Variants in CRACD observed in about 807,000 individuals in gnomAD.
CRACD encodes capping protein-inhibiting regulator of actin dynamics.
CRACD carries 56 observed loss-of-function variants against 106.8 expected under a neutral mutation model. The ratio of observed to expected loss-of-function variants is 0.52; its 90% confidence interval spans 0.42 to 0.66. The LOEUF (loss-of-function observed/expected upper bound fraction) is 0.66, where lower values mean the gene tolerates loss of function less well. Ranked by LOEUF, CRACD falls within the 30% of genes least tolerant of loss-of-function variation. The probability of loss-of-function intolerance (pLI) is 0.00; values close to 1 mark genes in which losing one functional copy is unlikely to be tolerated. For synonymous variants in CRACD, 754 were observed against 670.8 expected (o/e 1.12, Z -1.92); for missense variants, 1,730 against 1,623.2 (o/e 1.07, Z -1.13).
At chr4:56,097,258 G>C (rs1260760500) in intron 1 of CRACD, 1 of 152,570 alleles carries the variant, frequency 6.6e-6, no homozygotes, top group Non-Finnish European at 1.5e-5. Context: ...TTTGAAACAA[G>C]AGGGTGAGGT....
At chr4:56,067,156 T>C (rs1732490783) in intron 1 of CRACD, among the ~76,000 whole-genome samples, 1 of 151,628 alleles carries the variant, frequency 6.6e-6, no homozygotes, top group African/African-American at 2.4e-5. Flanking sequence ...CTGTTTCTTA[T>C]AGAATATTAG....
At position 56,208,553 on chromosome 4, in the gene CRACD, T is replaced by G. The variant is rs138707478; in HGVS notation, c.-189+29123T>G. Among the ~76,000 whole-genome samples the G allele has an allele frequency of 6.3e-3, 962 of 152,338 alleles. 8 individuals carry two copies. The highest frequency in any genetic ancestry group is 0.022 in the African/African-American group (906 of 41,562). ...AGGCCTTCTACACATATCAGAATTT[T>G]AGGAATCTCATATAGTTTTGCAACA... On this transcript the variant is annotated intron_variant, in intron 2 of 10. Coordinates refer to ENST00000682029, the MANE Select transcript of CRACD (RefSeq NM_001393381.1).
intron 1 of CRACD, among the ~76,000 whole-genome samples, chr4:56,100,937 G>C (rs866286639): frequency 2.4e-4 from 36 of 152,288 alleles, no homozygotes; most frequent in African/African-American, 8.2e-4. Context: ...GTAAGTAAAT[G>C]CAAGTTTTAA....
At chr4:56,093,460 G>A (rs1733495525) in intron 1 of CRACD, among the ~76,000 whole-genome samples, 5 of 152,246 alleles carry the variant, frequency 3.3e-5, no homozygotes, top group Middle Eastern at 3.4e-3. Context: ...AATTATTTCC[G>A]TTTTACAAAT....
intron 2 of CRACD, among the ~76,000 whole-genome samples, chr4:56,225,091 A>G (rs552841337): frequency 1.4e-3 from 207 of 152,102 alleles, no homozygotes; most frequent in African/African-American, 4.9e-3. Context: ...ATGGTTATTT[A>G]TTTATTTATT....
At chr4:56,147,572 A>G (rs777801927) in intron 1 of CRACD, among the ~76,000 whole-genome samples, 1 of 152,144 alleles carries the variant, frequency 6.6e-6, no homozygotes, top group Non-Finnish European at 1.5e-5. Flanking sequence ...TAATGTTTTC[A>G]AGGTTTATCA....
intron 1 of CRACD, among the ~76,000 whole-genome samples, chr4:56,100,192 G>A (rs967905600): frequency 1.6e-4 from 24 of 152,026 alleles, no homozygotes; most frequent in African/African-American, 4.1e-4. Flanking sequence ...GCAGTGAGCC[G>A]AGAGCATGCC....
At chr4:56,102,380 G>C (rs1268044046) in intron 1 of CRACD, among the ~76,000 whole-genome samples, 2 of 152,206 alleles carry the variant, frequency 1.3e-5, no homozygotes, top group East Asian at 3.9e-4. Context: ...TGGATGAGTG[G>C]TCCTAGCATT....
At chr4:56,125,764 C>CTTT (rs11289899) in intron 1 of CRACD, among the ~76,000 whole-genome samples, 2,038 of 73,174 alleles carry the variant, frequency 0.028, 11 homozygotes, top group Non-Finnish European at 0.031. Flanking sequence ...CATTCTTCTT[C>CTTT]TTTTTTTTTT....
intron 1 of CRACD, among the ~76,000 whole-genome samples, chr4:56,083,267 G>T (rs1042983543): frequency 1.3e-5 from 2 of 152,140 alleles, no homozygotes; most frequent in African/African-American, 4.8e-5. Context: ...ATATTTCCAG[G>T]ATGAAAATGG....
chr4:56,112,147 G>A (rs951554342), intron 1 of CRACD, among the ~76,000 whole-genome samples: 2 of 152,250 alleles, frequency 1.3e-5, no homozygotes, highest in Non-Finnish European at 2.9e-5. Flanking sequence ...GCTGGTATTG[G>A]GTTATTATTT....
chr4:56,314,384 C>A lies in CRACD; in HGVS notation c.882C>A (p.Ser294Arg), dbSNP rs1340524537. 3 of 1,413,752 alleles carry A rather than the reference C, an allele frequency of 2.1e-6. No homozygotes were observed. In the African/African-American group the frequency reaches 4.6e-5, roughly 22 times the overall value. The allele number at this position is 1,413,752 out of a possible 1,614,324, so 87.6% of individuals were successfully genotyped here. Reference sequence around the variant, plus strand: ...CGCCGCGGGAAGAGCAGCAGCGGAGCCTGGAAGCGCCAGGTTGGGAGGACG... The same window carrying A: ...CGCCGCGGGAAGAGCAGCAGCGGAGACTGGAAGCGCCAGGTTGGGAGGACG... ...ERAPREEQQR[S>R]LEAPGWEDAE... Residue 294 changes from serine (S) to arginine (R), a missense_variant, in exon 8 of 11, where the codon AGC (serine) becomes AGA (arginine). By Grantham distance (110) the Ser-to-Arg change is moderately radical. This residue lies in a region of CRACD where 1,620 missense variants were observed against 1,481.6 expected (regional missense o/e 1.09). Coordinates refer to ENST00000682029, the MANE Select transcript of CRACD (RefSeq NM_001393381.1). The surrounding 1 kb of genome is among the most constrained non-coding windows in gnomAD (Gnocchi z 4.4).
At chr4:56,088,462 A>G (rs1383166628) in intron 1 of CRACD, among the ~76,000 whole-genome samples, 1 of 151,284 alleles carries the variant, frequency 6.6e-6, no homozygotes, top group Non-Finnish European at 1.5e-5. Context: ...CAGCCTCCCA[A>G]GTGGGGAGGC....
chr4:56,203,042 T>C (rs1194553057), intron 2 of CRACD, among the ~76,000 whole-genome samples: 1 of 152,198 alleles, frequency 6.6e-6, no homozygotes, highest in African/African-American at 2.4e-5. Context: ...AAAAATCAGC[T>C]TTGATAATGC....
rs1449439229 is a variant in CRACD, at chr4:56,054,490, T to C, written c.-336+5191T>C. Among the ~76,000 whole-genome samples, 3 of 152,220 alleles carry C rather than the reference T, an allele frequency of 2.0e-5. No homozygotes were observed. In the East Asian group the frequency reaches 5.8e-4, roughly 29 times the overall value. ...GCCGCCACTCAGTGGCTCCTTTTTA[T>C]CCTGATGTGAAAATTCATAGAGATA... On this transcript the variant is annotated intron_variant, in intron 1 of 10. Transcript: ENST00000682029.
At chr4:56,077,236 C>T (rs77142826) in intron 1 of CRACD, among the ~76,000 whole-genome samples, 1 of 152,172 alleles carries the variant, frequency 6.6e-6, no homozygotes, top group South Asian at 2.1e-4. Context: ...AGGGTGGCAG[C>T]AGAGAGAATT....
chr4:56,123,685 T>C (rs538579221), intron 1 of CRACD, among the ~76,000 whole-genome samples: 25 of 152,150 alleles, frequency 1.6e-4, no homozygotes, highest in Non-Finnish European at 3.2e-4. Flanking sequence ...ATTACTCAGC[T>C]AGTAGGTGAA....
chr4:56,130,859 C>T (rs1490228313), intron 1 of CRACD, among the ~76,000 whole-genome samples: 1 of 152,160 alleles, frequency 6.6e-6, no homozygotes, highest in Non-Finnish European at 1.5e-5. Flanking sequence ...CCCACTTCCC[C>T]TCTCCACCTC....
At chr4:56,094,917 T>G (rs1267280625) in intron 1 of CRACD, among the ~76,000 whole-genome samples, 1 of 152,222 alleles carries the variant, frequency 6.6e-6, no homozygotes, top group Non-Finnish European at 1.5e-5. Context: ...CAATTGCTAA[T>G]TTTTGCAATA....
Sources: gnomAD v4.1 joint callset for allele counts (sites outside exome capture counted in the v4.1 genomes callset) on GRCh38, gnomAD v4.1.1 for gene constraint, gnomAD v4.1.1 regional missense constraint, Gnocchi (gnomAD v3.1) non-coding constraint, MANE v1.5 for transcripts, NCBI Gene and HGNC (gene_info 2026-07-23, HGNC 2026-07-21) for gene names.